POLR3F: variants seen among roughly 807,000 people sequenced by gnomAD.
POLR3F encodes RNA polymerase III subunit F, also known as DNA-directed RNA polymerase III subunit RPC6.
A neutral mutation model predicts 43.6 loss-of-function variants in POLR3F; 31 were observed. The ratio of observed to expected loss-of-function variants is 0.71; its 90% confidence interval spans 0.53 to 0.96. POLR3F has a LOEUF of 0.96. Among genes scored for constraint, POLR3F ranks in the 40% least tolerant of loss-of-function variants. The pLI, the probability that POLR3F is intolerant of heterozygous loss-of-function variation, is 0.00. For synonymous variants in POLR3F, 114 were observed against 132.5 expected, an observed-to-expected ratio of 0.86 and a Z score of 0.96; for missense variants, 316 against 391.7, an observed-to-expected ratio of 0.81 and a Z score of 1.63.
intron 5 of POLR3F, among the ~76,000 whole-genome samples, chr20:18,478,137 A>G (rs2059790095): frequency 6.6e-6 from 1 of 152,210 alleles, no homozygotes; most frequent in African/African-American, 2.4e-5. Context: ...TTCACCATGA[A>G]TAACAAGGCC....
intron 2 of POLR3F, among the ~76,000 whole-genome samples, chr20:18,471,405 G>T (rs1176073953): frequency 6.6e-6 from 1 of 152,214 alleles, no homozygotes; most frequent in South Asian, 2.1e-4. Context: ...CAATCTGGGA[G>T]TTCAGGGTGG....
intron 7 of POLR3F, among the ~76,000 whole-genome samples, chr20:18,481,383 A>G (rs2059808526): frequency 7.1e-6 from 1 of 140,702 alleles, no homozygotes; most frequent in Non-Finnish European, 1.5e-5. Context: ...GTGGGATTAC[A>G]AGTGCCTGCC....
intron 5 of POLR3F, among the ~76,000 whole-genome samples, 183 bp downstream of exon 5, chr20:18,475,370 C>A (rs1193890837): frequency 6.6e-6 from 1 of 152,144 alleles, no homozygotes; most frequent in African/African-American, 2.4e-5. Context: ...TCTCACTCAC[C>A]CACTCAAAAA....
chr20:18,474,644 G>A (rs1358873282), intron 4 of POLR3F, among the ~76,000 whole-genome samples: 7 of 151,692 alleles, frequency 4.6e-5, no homozygotes, highest in East Asian at 3.9e-4. Context: ...TCAGCCTCCC[G>A]AGTAGCTAGG....
In POLR3F at chr20:18,468,970, C is replaced by G; in HGVS notation, c.89C>G (p.Pro30Arg). The G allele has an allele frequency of 2.6e-6, 4 of 1,563,964 alleles. No homozygotes were observed. The highest frequency in any genetic ancestry group is 3.5e-6 in the Non-Finnish European group (4 of 1,134,098). The change falls in exon 2 of 9, where the codon CCT becomes CGT. Residue 30 changes from proline to arginine, a missense_variant. This residue lies in a region of POLR3F where 122 missense variants were observed against 133.8 expected (regional missense o/e 0.91). Coordinates refer to ENST00000377603, the MANE Select transcript of POLR3F (RefSeq NM_006466.4). ...ATTATAGAATTATGTCACCAGTTCC[C>G]TCATGGAATCACAGACCAAGTAATT... ...NRIIELCHQF[P>R]HGITDQVIQN... is the part of the protein sequence containing the mutation.
intron 3 of POLR3F, 160 bp downstream of exon 3, chr20:18,473,069 A>T: frequency 2.4e-6 from 1 of 412,280 alleles, no homozygotes; most frequent in Non-Finnish European, 4.4e-6. Context: ...TTAATAATTT[A>T]GTGTATATCC....
chr20:18,475,807 GA>G (rs1432033753), intron 5 of POLR3F, among the ~76,000 whole-genome samples: 11 of 152,306 alleles, frequency 7.2e-5, no homozygotes, highest in African/African-American at 2.6e-4. Flanking sequence ...CTGTGGCAGT[GA>G]GTAGACCTTT....
chr20:18,478,186 G>C (rs2059790280), intron 5 of POLR3F, among the ~76,000 whole-genome samples: 2 of 151,092 alleles, frequency 1.3e-5, no homozygotes, highest in Admixed American at 1.3e-4. Context: ...TATTTCCTAG[G>C]AAAAAGGGAC....
At chr20:18,475,249 G>T in intron 5 of POLR3F, 62 bp downstream of exon 5, 1 of 686,994 alleles carries the variant, frequency 1.5e-6, no homozygotes, top group Admixed American at 2.5e-5. Flanking sequence ...TATTCTTGAA[G>T]TTATGTCATG....
Position 18,479,940 on chromosome 20 carries a change from A to G in POLR3F, c.430-98A>G, listed in dbSNP as rs1336572902. ...AGGAGCTCTGTGTACTATCTTTGCA[A>G]TAATTTTGTACATCTTAAACTGTTC... is the stretch of plus-strand genomic sequence containing the variant. On this transcript the variant is annotated intron_variant, in intron 5 of 8. Transcript: ENST00000377603. 4.8e-6 allele frequency: 4 copies of G among 827,092 alleles called. No homozygotes were observed. The African/African-American group carries it at 6.9e-5, about 14-fold the overall frequency. The allele number at this position is 827,092 out of a possible 1,614,324, so 51.2% of individuals were successfully genotyped here.
intron 3 of POLR3F, 32 bp downstream of exon 3, chr20:18,472,941 T>C (rs1568578292): frequency 2.0e-6 from 2 of 1,011,316 alleles, no homozygotes. Flanking sequence ...TTTAAGAAAA[T>C]GTTTATTATT....
At chr20:18,471,358 C>G (rs73123170) in intron 2 of POLR3F, among the ~76,000 whole-genome samples, 5,481 of 152,232 alleles carry the variant, frequency 0.036, 150 homozygotes, top group Non-Finnish European at 0.054. Context: ...GTCACTGAAC[C>G]CCCCCAGGTT....
chr20:18,471,355 A>G (rs1601251285), intron 2 of POLR3F, among the ~76,000 whole-genome samples: 1 of 152,314 alleles, frequency 6.6e-6, no homozygotes, highest in East Asian at 1.9e-4. Context: ...GAAGTCACTG[A>G]ACCCCCCCAG....
chr20:18,483,740 C>G lies in POLR3F; in HGVS notation c.*182C>G, dbSNP rs1012193512. On this transcript the variant is annotated 3_prime_UTR_variant, in exon 9 of 9. Coordinates refer to ENST00000377603, the MANE Select transcript of POLR3F (RefSeq NM_006466.4). The stretch of plus-strand genomic sequence containing the variant: ...GACTAAATTTATATTGGTAAAATAG[C>G]CAGTAGAATATGAAAGAAATAAGGT... The G allele has an allele frequency of 4.7e-6, 2 of 424,824 alleles. No homozygotes were observed. The highest frequency in any genetic ancestry group is 4.1e-5 in the African/African-American group (2 of 48,710). The allele number at this position is 424,824 out of a possible 1,614,324, so 26.3% of individuals were successfully genotyped here.
chr20:18,472,290 G>A (rs993449584), intron 2 of POLR3F, among the ~76,000 whole-genome samples: 25 of 151,974 alleles, frequency 1.6e-4, no homozygotes, highest in Admixed American at 9.2e-4. Context: ...GCAGTGGTGC[G>A]ATCTCAGCTC....
chr20:18,469,097 T>C (rs1265444966), intron 2 of POLR3F, 36 bp downstream of exon 2: 1 of 893,340 alleles, frequency 1.1e-6, no homozygotes, highest in Non-Finnish European at 1.9e-6. Flanking sequence ...TAATTACTGA[T>C]ATGCTGATTA....
At position 18,468,966 on chromosome 20, in the gene POLR3F, T is replaced by C; in HGVS notation, c.85T>C (p.Phe29Leu). 1 of 1,547,432 alleles carries C rather than the reference T, an allele frequency of 6.5e-7. No homozygotes were observed. The highest frequency in any genetic ancestry group is 8.9e-7 in the Non-Finnish European group (1 of 1,118,962). ...ENRIIELCHQ[F>L]PHGITDQVIQ... The stretch of plus-strand genomic sequence containing the variant: ...TAGGATTATAGAATTATGTCACCAG[T>C]TCCCTCATGGAATCACAGACCAAGT... Residue 29 changes from phenylalanine to leucine, a missense_variant, in exon 2 of 9, where the codon TTC becomes CTC. By Grantham distance (22) the Phe-to-Leu change is conservative (BLOSUM62 0). Transcript: ENST00000377603.
At chr20:18,473,154 A>G in intron 3 of POLR3F, 1 of 338,680 alleles carries the variant, frequency 3.0e-6, no homozygotes, top group Non-Finnish European at 5.4e-6. Context: ...TTTTTTAACA[A>G]AAATGGAATC....
Position 18,479,137 on chromosome 20 carries a change from A to G in POLR3F, c.430-901A>G, listed in dbSNP as rs138881501. ...ACTCCAGCCTGGCAACAAGAGCGAA[A>G]CTCCGTTTCAAAAAAAAAAAGAAAA... is the stretch of plus-strand genomic sequence containing the variant. On this transcript the variant is annotated intron_variant, in intron 5 of 8. Coordinates refer to ENST00000377603, the MANE Select transcript of POLR3F (RefSeq NM_006466.4). 1.0e-3 allele frequency among the ~76,000 whole-genome samples: 156 copies of G among 151,054 alleles called. 1 individual carries two copies. The highest frequency in any genetic ancestry group is 1.4e-3 in the Non-Finnish European group (98 of 67,786).
Sources: allele counts gnomAD v4.1 joint callset (sites outside exome capture counted in the v4.1 genomes callset), GRCh38; gene constraint gnomAD v4.1.1; regional missense constraint gnomAD v4.1.1; transcripts MANE v1.5; gene names NCBI Gene and HGNC (gene_info 2026-07-23, HGNC 2026-07-21).